Variants in CCSER1 observed in about 807,000 individuals in gnomAD.
CCSER1 encodes the protein serine-rich coiled-coil domain-containing protein 1.
CCSER1 carries 41 observed loss-of-function variants against 82.0 expected under a neutral mutation model. The ratio of observed to expected loss-of-function variants is 0.50; its 90% CI spans 0.39 to 0.65. CCSER1 has a LOEUF of 0.65. Among genes scored for constraint, CCSER1 ranks in the 30% least tolerant of loss-of-function variants. The pLI is 0.00. For synonymous variants in CCSER1, 414 were observed against 383.9 expected (o/e 1.08, Z -0.92); for missense variants, 1,119 against 1,064.2 (o/e 1.05, Z -0.72).
intron 5 of CCSER1, among the ~76,000 whole-genome samples, chr4:90,469,524 AACACACACACACACACAC>A (rs3971380): frequency 7.3e-6 from 1 of 136,340 alleles, no homozygotes; most frequent in Non-Finnish European, 1.6e-5. Flanking sequence ...TTTCCTGCAA[AACACACACACACACACAC>A]ACACACACAC....
intron 6 of CCSER1, among the ~76,000 whole-genome samples, chr4:90,639,984 A>G (rs186887967): frequency 1.5e-3 from 226 of 152,228 alleles, no homozygotes; most frequent in Non-Finnish European, 3.0e-3. Context: ...ATCAAGAGAA[A>G]GAGTGTCCAG....
chr4:91,602,364 C>CCAGAAAAAAGTTTT lies in CCSER1; in HGVS notation c.*3308_*3321dup. Among the ~76,000 whole-genome samples the CCAGAAAAAAGTTTT allele has an allele frequency of 6.6e-6, 1 of 151,980 alleles. No homozygotes were observed. Among genetic ancestry groups the CCAGAAAAAAGTTTT allele is most frequent in the Non-Finnish European group, 1.5e-5 (1 of 67,866 alleles). ...AGAGATAATAACCATACACCCCTCTCCAGAAAAAAGTTTTTAAAAATTATT... is the reference window on the plus strand; with the variant it reads ...AGAGATAATAACCATACACCCCTCTCCAGAAAAAAGTTTTCAGAAAAAAGTTTTTAAAAATTATT... On this transcript the variant is annotated 3_prime_UTR_variant, in exon 11 of 11. Transcript: ENST00000509176.
At chr4:90,752,222 GATATGCCTCCAAT>G (rs1416699999) in intron 7 of CCSER1, among the ~76,000 whole-genome samples, 7 of 152,022 alleles carry the variant, frequency 4.6e-5, no homozygotes, top group Non-Finnish European at 7.4e-5. Context: ...TAATACCTCT[GATATGCCTCCAAT>G]AAATGGCAGA....
At chr4:90,846,667 A>T (rs1265415497) in intron 8 of CCSER1, among the ~76,000 whole-genome samples, 1 of 152,160 alleles carries the variant, frequency 6.6e-6, no homozygotes, top group African/African-American at 2.4e-5. Flanking sequence ...ACCAGAATTT[A>T]TTCCTTCTAA....
At chr4:90,514,880 T>G (rs1316791188) in intron 5 of CCSER1, among the ~76,000 whole-genome samples, 1 of 152,018 alleles carries the variant, frequency 6.6e-6, no homozygotes, top group Non-Finnish European at 1.5e-5. Context: ...TTACTTTTTT[T>G]TTTTTTGAGA....
At chr4:91,439,862 C>T (rs2149403755) in intron 10 of CCSER1, among the ~76,000 whole-genome samples, 1 of 152,190 alleles carries the variant, frequency 6.6e-6, no homozygotes, top group East Asian at 1.9e-4. Flanking sequence ...TCAAAAGAGA[C>T]AAAGAAGGCC....
chr4:90,178,651 G>A (rs1378313502), intron 1 of CCSER1, among the ~76,000 whole-genome samples: 3 of 152,034 alleles, frequency 2.0e-5, no homozygotes, highest in Admixed American at 2.0e-4. Flanking sequence ...AAGCAGGTGG[G>A]GAGATGATAA....
intron 10 of CCSER1, among the ~76,000 whole-genome samples, chr4:91,582,292 A>C (rs1458359718): frequency 1.3e-5 from 2 of 151,560 alleles, no homozygotes; most frequent in Non-Finnish European, 3.0e-5. Context: ...GGACATTCAA[A>C]TCTTGTCTGA....
chr4:90,557,068 T>C (rs1778232234), intron 5 of CCSER1, among the ~76,000 whole-genome samples: 1 of 151,952 alleles, frequency 6.6e-6, no homozygotes, highest in Admixed American at 6.6e-5. Flanking sequence ...CTTTCTTCTC[T>C]CACTATATTA....
chr4:91,335,555 C>T (rs1296913265), intron 10 of CCSER1, among the ~76,000 whole-genome samples: 1 of 151,914 alleles, frequency 6.6e-6, no homozygotes, highest in African/African-American at 2.4e-5. Flanking sequence ...GTTTTTCTCA[C>T]GGGGAGTGCA....
At position 90,766,396 on chromosome 4, in the gene CCSER1, G is replaced by T. The variant is rs1327076295; in HGVS notation, c.2010+42405G>T. Among the ~76,000 whole-genome samples the T allele has an allele frequency of 4.6e-5, 7 of 152,118 alleles. 1 individual carries two copies. The East Asian group carries it at 1.3e-3, about 29-fold the overall frequency. ...ACCAGGTGCAACTAAATAAAGAGAA[G>T]TAAAATATCTGAATGCTCACCCAGA... On this transcript the variant is annotated intron_variant, in intron 7 of 10. Coordinates refer to ENST00000509176, the MANE Select transcript of CCSER1 (RefSeq NM_001145065.2).
intron 6 of CCSER1, among the ~76,000 whole-genome samples, chr4:90,682,078 C>T (rs1733987460): frequency 1.3e-5 from 2 of 151,648 alleles, no homozygotes; most frequent in Admixed American, 6.6e-5. Context: ...AAGTGTGAAG[C>T]AAGCTTTCTC....
intron 7 of CCSER1, among the ~76,000 whole-genome samples, chr4:90,774,414 C>T (rs765295363): frequency 6.6e-6 from 1 of 152,008 alleles, no homozygotes; most frequent in East Asian, 1.9e-4. Context: ...TTTGAAGCCT[C>T]ACACTATTAG....
At chr4:90,169,174 C>G (rs1173737313) in intron 1 of CCSER1, among the ~76,000 whole-genome samples, 19 of 151,886 alleles carry the variant, frequency 1.3e-4, no homozygotes. Flanking sequence ...TGTAGTTCTC[C>G]TTGAAGAGGT....
intron 3 of CCSER1, among the ~76,000 whole-genome samples, chr4:90,392,349 T>C (rs115450585): frequency 0.028 from 4,267 of 152,178 alleles, 90 homozygotes; most frequent in Non-Finnish European, 0.045. Context: ...TTCATATAAA[T>C]TATGAATCCA....
chr4:91,439,791 A>C (rs1276375701), intron 10 of CCSER1, among the ~76,000 whole-genome samples: 5 of 151,866 alleles, frequency 3.3e-5, no homozygotes, highest in Non-Finnish European at 5.9e-5. Context: ...AATGGAAAAC[A>C]AAAAAAAGGC....
chr4:90,702,472 T>C (rs1447051599), intron 6 of CCSER1, among the ~76,000 whole-genome samples: 3 of 152,180 alleles, frequency 2.0e-5, no homozygotes, highest in Non-Finnish European at 2.9e-5. Context: ...GGTATCAGGA[T>C]GATGCTGGCC....
chr4:90,164,072 ATGT>A (rs1244784475), intron 1 of CCSER1, among the ~76,000 whole-genome samples: 5 of 152,142 alleles, frequency 3.3e-5, no homozygotes, highest in Non-Finnish European at 5.9e-5. Context: ...GCACTTTAGG[ATGT>A]TGTGCAGCTT....
intron 4 of CCSER1, among the ~76,000 whole-genome samples, chr4:90,434,774 T>G (rs567382173): frequency 6.6e-6 from 1 of 152,300 alleles, no homozygotes; most frequent in African/African-American, 2.4e-5. Context: ...TTATTAGTAG[T>G]TGGGGATTTG....
Sources: gnomAD v4.1 joint callset for allele counts (sites outside exome capture counted in the v4.1 genomes callset) on GRCh38, gnomAD v4.1.1 for gene constraint, MANE v1.5 for transcripts, NCBI Gene and HGNC (gene_info 2026-07-23, HGNC 2026-07-21) for gene names.